Variants in SPAG16 observed in about 807,000 individuals in gnomAD.
SPAG16 encodes the protein sperm associated antigen 16, also known as sperm-associated antigen 16 protein.
SPAG16 carries 86 observed loss-of-function variants against 80.4 expected under a neutral mutation model. That is an observed-to-expected ratio of 1.07 (90% CI 0.90 to 1.28). The LOEUF is 1.28. Ranked by LOEUF, SPAG16 falls within the 50% of genes most tolerant of loss-of-function variation. The pLI, the probability that SPAG16 is intolerant of heterozygous loss-of-function variation, is 0.00. For missense variants in SPAG16, 870 were observed against 765.3 expected (o/e 1.14, Z -1.61); for synonymous variants, 294 against 265.9 (o/e 1.11, Z -1.03).
At chr2:214,150,693 A>G (rs1325827032) in intron 15 of SPAG16, among the ~76,000 whole-genome samples, 1 of 152,052 alleles carries the variant, frequency 6.6e-6, no homozygotes, top group Non-Finnish European at 1.5e-5. Context: ...TGTACTTCCT[A>G]ATAGTAGAAG....
intron 15 of SPAG16, among the ~76,000 whole-genome samples, chr2:214,395,458 A>G (rs994758292): frequency 3.3e-5 from 5 of 152,112 alleles, no homozygotes; most frequent in Non-Finnish European, 7.4e-5. Context: ...GCCTCTTTTC[A>G]TATGCTTATT....
At chr2:213,692,136 G>A (rs952328998) in intron 10 of SPAG16, among the ~76,000 whole-genome samples, 3 of 152,108 alleles carry the variant, frequency 2.0e-5, no homozygotes, top group Non-Finnish European at 4.4e-5. Flanking sequence ...ACCATTATAA[G>A]CCTCTGGGTA....
intron 12 of SPAG16, among the ~76,000 whole-genome samples, chr2:213,943,979 A>G (rs887243418): frequency 2.6e-5 from 4 of 152,228 alleles, no homozygotes; most frequent in Admixed American, 2.6e-4. Flanking sequence ...AGAGCTATTC[A>G]ACTGCAAAAA....
chr2:213,488,230 T>A (rs923815406), intron 9 of SPAG16, among the ~76,000 whole-genome samples: 1 of 152,156 alleles, frequency 6.6e-6, no homozygotes, highest in Non-Finnish European at 1.5e-5. Context: ...AAGAATGGAT[T>A]TTTTTAAGTG....
intron 9 of SPAG16, among the ~76,000 whole-genome samples, chr2:213,489,409 C>T (rs557810193): frequency 6.6e-6 from 1 of 152,098 alleles, no homozygotes; most frequent in African/African-American, 2.4e-5. Context: ...GATGTGGATT[C>T]TAATATGTGT....
At chr2:213,678,056 T>C (rs530699908) in intron 10 of SPAG16, among the ~76,000 whole-genome samples, 1 of 152,036 alleles carries the variant, frequency 6.6e-6, no homozygotes. Context: ...AATAAAGATG[T>C]TCTTTGAAAC....
intron 12 of SPAG16, among the ~76,000 whole-genome samples, chr2:213,955,968 T>C (rs1218290613): frequency 6.6e-6 from 1 of 151,828 alleles, no homozygotes; most frequent in East Asian, 1.9e-4. Context: ...ATTATTTATT[T>C]ATTTATTTAT....
At position 214,018,957 on chromosome 2, in the gene SPAG16, G is replaced by A. The variant is rs111353639; in HGVS notation, c.1527+4880G>A. Reference sequence around the variant, plus strand: ...ATCAGCTCTGAATTTTGTAGAGGATGAAAAAAGGGATATAAATCTCTATAA... The same window carrying A: ...ATCAGCTCTGAATTTTGTAGAGGATAAAAAAAGGGATATAAATCTCTATAA... On this transcript the variant is annotated intron_variant, in intron 13 of 15. Coordinates refer to ENST00000331683, the MANE Select transcript of SPAG16 (RefSeq NM_024532.5). 5.6e-3 allele frequency among the ~76,000 whole-genome samples: 853 copies of A among 152,038 alleles called. 4 individuals carry two copies. The highest frequency in any genetic ancestry group is 9.6e-3 in the Non-Finnish European group (651 of 67,926).
intron 9 of SPAG16, among the ~76,000 whole-genome samples, chr2:213,400,394 T>C (rs1269685236): frequency 2.0e-5 from 3 of 152,234 alleles, no homozygotes; most frequent in African/African-American, 7.2e-5. Flanking sequence ...TGGTTTGTTC[T>C]TTGTCCTGTG....
intron 10 of SPAG16, among the ~76,000 whole-genome samples, chr2:213,575,402 A>G (rs1167632390): frequency 2.0e-5 from 3 of 152,148 alleles, no homozygotes; most frequent in African/African-American, 7.2e-5. Flanking sequence ...ATTAAAGGGT[A>G]TTTATTGATT....
At chr2:213,692,083 T>C (rs2064966514) in intron 10 of SPAG16, among the ~76,000 whole-genome samples, 1 of 152,106 alleles carries the variant, frequency 6.6e-6, no homozygotes, top group South Asian at 2.1e-4. Flanking sequence ...TGGAGAGTAA[T>C]TATTAGAAAA....
intron 5 of SPAG16, among the ~76,000 whole-genome samples, chr2:213,319,281 C>A (rs2063523046): frequency 6.6e-6 from 1 of 151,728 alleles, no homozygotes; most frequent in African/African-American, 2.4e-5. Context: ...AAGAAACATG[C>A]CTTTTCATTG....
At chr2:213,720,477 A>C (rs976440231) in intron 10 of SPAG16, among the ~76,000 whole-genome samples, 1 of 150,638 alleles carries the variant, frequency 6.6e-6, no homozygotes, top group Non-Finnish European at 1.5e-5. Flanking sequence ...AATACAAAAA[A>C]AAAAAAAAAA....
intron 15 of SPAG16, among the ~76,000 whole-genome samples, chr2:214,174,912 C>CA (rs1433146894): frequency 4.6e-5 from 7 of 151,666 alleles, no homozygotes; most frequent in Non-Finnish European, 1.0e-4. Flanking sequence ...GTACTAGTTC[C>CA]ATACCCTGCC....
chr2:213,996,384 T>G (rs533810716), intron 12 of SPAG16, among the ~76,000 whole-genome samples: 1 of 152,254 alleles, frequency 6.6e-6, no homozygotes, highest in East Asian at 1.9e-4. Context: ...TTAAGACATA[T>G]TTGATGTATT....
At chr2:214,095,279 A>G (rs1043060142) in intron 13 of SPAG16, among the ~76,000 whole-genome samples, 3 of 152,006 alleles carry the variant, frequency 2.0e-5, no homozygotes, top group African/African-American at 4.8e-5. Flanking sequence ...CTCATCACAT[A>G]TAACAGAGAA....
chr2:213,618,091 A>G (rs1009036309), intron 10 of SPAG16, among the ~76,000 whole-genome samples: 2 of 152,190 alleles, frequency 1.3e-5, no homozygotes, highest in East Asian at 3.9e-4. Context: ...TTTCTATGTA[A>G]TAGAACCCAC....
At chr2:213,437,902 A>G (rs1362169613) in intron 9 of SPAG16, among the ~76,000 whole-genome samples, 1 of 152,174 alleles carries the variant, frequency 6.6e-6, no homozygotes, top group African/African-American at 2.4e-5. Flanking sequence ...TTTGGTTGCA[A>G]GTGGCAGAAA....
chr2:214,308,689 T>C (rs1695089788), intron 15 of SPAG16, among the ~76,000 whole-genome samples: 1 of 152,202 alleles, frequency 6.6e-6, no homozygotes, highest in Non-Finnish European at 1.5e-5. Context: ...AAATTCTTTT[T>C]TTTTTAAGAA....
Sources: gnomAD v4.1 joint callset for allele counts (sites outside exome capture counted in the v4.1 genomes callset) on GRCh38, gnomAD v4.1.1 for gene constraint, MANE v1.5 for transcripts, NCBI Gene and HGNC (gene_info 2026-07-23, HGNC 2026-07-21) for gene names.